NKAIN2: variants seen among roughly 807,000 people sequenced by gnomAD.
NKAIN2 encodes sodium/potassium transporting ATPase interacting 2.
A neutral mutation model predicts 32.6 loss-of-function variants in NKAIN2; 14 were observed. The ratio of observed to expected loss-of-function variants is 0.43; its 90% CI spans 0.28 to 0.67. The LOEUF is 0.67. Among genes scored for constraint, NKAIN2 ranks in the 30% least tolerant of loss-of-function variants. The pLI, the probability that NKAIN2 is intolerant of heterozygous loss-of-function variation, is 0.17. For synonymous variants in NKAIN2, 80 were observed against 87.2 expected (o/e 0.92, Z 0.46); for missense variants, 198 against 258.3 (o/e 0.77, Z 1.60).
chr6:124,299,196 G>A (rs1796194520), intron 2 of NKAIN2, among the ~76,000 whole-genome samples: 1 of 152,180 alleles, frequency 6.6e-6, no homozygotes. Flanking sequence ...AGCAGAAACA[G>A]CAGCAGTGTA....
intron 3 of NKAIN2, among the ~76,000 whole-genome samples, chr6:124,634,630 T>C (rs1371616311): frequency 6.6e-6 from 1 of 152,042 alleles, no homozygotes; most frequent in East Asian, 1.9e-4. Context: ...TTGGGAATTC[T>C]AGAAAAATAA....
intron 2 of NKAIN2, among the ~76,000 whole-genome samples, chr6:124,340,136 G>T (rs1200541163): frequency 6.6e-6 from 1 of 152,020 alleles, no homozygotes; most frequent in African/African-American, 2.4e-5. Context: ...TTTGCTGACT[G>T]GCCAAAATTA....
At chr6:123,976,354 TA>T (rs1778605846) in intron 1 of NKAIN2, among the ~76,000 whole-genome samples, 1 of 28,796 alleles carries the variant, frequency 3.5e-5, no homozygotes, top group African/African-American at 1.8e-4. Flanking sequence ...TTCCCATATA[TA>T]TATATATATA....
chr6:124,083,629 T>C (rs777278913), intron 1 of NKAIN2, among the ~76,000 whole-genome samples: 6 of 152,032 alleles, frequency 3.9e-5, no homozygotes, highest in African/African-American at 1.2e-4. Context: ...TATTAATGTT[T>C]TCAAAGTCTT....
chr6:124,731,796 C>T (rs1776692771), intron 4 of NKAIN2, among the ~76,000 whole-genome samples: 2 of 151,998 alleles, frequency 1.3e-5, no homozygotes, highest in Non-Finnish European at 1.5e-5. Flanking sequence ...CATCTGCTCA[C>T]TTTTCTTCTA....
At chr6:124,419,006 A>T (rs1022689515) in intron 3 of NKAIN2, among the ~76,000 whole-genome samples, 1 of 152,066 alleles carries the variant, frequency 6.6e-6, no homozygotes, top group East Asian at 1.9e-4. Flanking sequence ...TAAAATGACT[A>T]TCCATTGTCT....
chr6:124,608,212 T>C (rs931985330), intron 3 of NKAIN2, among the ~76,000 whole-genome samples: 7 of 152,134 alleles, frequency 4.6e-5, no homozygotes, highest in Admixed American at 4.6e-4. Flanking sequence ...CTCTTACCCA[T>C]GTTGTTTGTT....
intron 3 of NKAIN2, among the ~76,000 whole-genome samples, chr6:124,453,932 T>G (rs1453899109): frequency 6.6e-6 from 1 of 152,036 alleles, no homozygotes; most frequent in African/African-American, 2.4e-5. Flanking sequence ...GTATTGGTAA[T>G]AAACTGAGAA....
intron 1 of NKAIN2, among the ~76,000 whole-genome samples, chr6:124,001,631 T>C (rs1397178202): frequency 6.6e-6 from 1 of 151,680 alleles, no homozygotes; most frequent in South Asian, 2.1e-4. Context: ...GTGACTACTA[T>C]TAGGAAGTGA....
chr6:124,270,259 C>G (rs1172472741), intron 1 of NKAIN2, among the ~76,000 whole-genome samples: 1 of 152,132 alleles, frequency 6.6e-6, no homozygotes, highest in African/African-American at 2.4e-5. Context: ...GAGGGCAGAA[C>G]TATTGGAGGG....
At chr6:124,288,680 AG>A (rs1220493802) in intron 2 of NKAIN2, among the ~76,000 whole-genome samples, 1 of 152,174 alleles carries the variant, frequency 6.6e-6, no homozygotes, top group Non-Finnish European at 1.5e-5. Context: ...ATACAATATA[AG>A]TTATATCTAA....
chr6:124,482,067 T>A (rs1777474624), intron 3 of NKAIN2, among the ~76,000 whole-genome samples: 1 of 152,172 alleles, frequency 6.6e-6, no homozygotes, highest in South Asian at 2.1e-4. Context: ...TACATAGTTT[T>A]AAACCCTCAA....
intron 4 of NKAIN2, among the ~76,000 whole-genome samples, chr6:124,771,949 T>C (rs556516090): frequency 6.6e-6 from 1 of 152,252 alleles, no homozygotes; most frequent in African/African-American, 2.4e-5. Context: ...ATACTATAAG[T>C]AGCTCAATGA....
chr6:124,047,267 C>G (rs1054194006), intron 1 of NKAIN2, among the ~76,000 whole-genome samples: 10 of 151,966 alleles, frequency 6.6e-5, no homozygotes, highest in African/African-American at 2.4e-4. Context: ...GATCTTGGCC[C>G]TTTCCTAAAA....
chr6:124,103,837 C>T (rs969391916), intron 1 of NKAIN2, among the ~76,000 whole-genome samples: 5 of 151,998 alleles, frequency 3.3e-5, no homozygotes, highest in African/African-American at 1.2e-4. Context: ...CCTGTAATCC[C>T]AGCACTTTGA....
chr6:124,079,334 G>A (rs1783842114), intron 1 of NKAIN2, among the ~76,000 whole-genome samples: 1 of 151,964 alleles, frequency 6.6e-6, no homozygotes, highest in Non-Finnish European at 1.5e-5. Flanking sequence ...ATAAAAAAGA[G>A]AAAAAACAGT....
At chr6:124,062,990 C>T (rs1470282439) in intron 1 of NKAIN2, among the ~76,000 whole-genome samples, 2 of 152,006 alleles carry the variant, frequency 1.3e-5, no homozygotes, top group Non-Finnish European at 2.9e-5. Flanking sequence ...GTCAGGAGTT[C>T]AAGACCAGCC....
intron 4 of NKAIN2, among the ~76,000 whole-genome samples, chr6:124,748,275 C>G (rs1260860973): frequency 6.6e-6 from 1 of 151,942 alleles, no homozygotes; most frequent in Non-Finnish European, 1.5e-5. Context: ...ACTGGGAGTT[C>G]TGTAATGGGT....
chr6:123,898,133 G>A (rs548641002), intron 1 of NKAIN2, among the ~76,000 whole-genome samples: 1 of 152,182 alleles, frequency 6.6e-6, no homozygotes, highest in East Asian at 1.9e-4. Context: ...ATGATGATTG[G>A]ATCCTGTGAG....
Sources: allele counts gnomAD v4.1 joint callset (sites outside exome capture counted in the v4.1 genomes callset), GRCh38; gene constraint gnomAD v4.1.1; transcripts MANE v1.5; gene names NCBI Gene and HGNC (gene_info 2026-07-23, HGNC 2026-07-21).